The following LRIG1 variants were observed in gnomAD, a reference collection of about 807,000 sequenced individuals.
LRIG1 encodes the protein leucine-rich repeats and immunoglobulin-like domains protein 1.
LRIG1 carries 48 observed loss-of-function variants against 99.2 expected under a neutral mutation model. The observed-to-expected ratio is 0.48, with a 90% CI of 0.38 to 0.62. LRIG1 has a LOEUF of 0.62. Ranked by LOEUF, LRIG1 falls within the 20% of genes least tolerant of loss-of-function variation. The pLI is 0.00. For synonymous variants in LRIG1, 772 were observed against 596.1 expected (o/e 1.29, Z -4.30); for missense variants, 1,646 against 1,434.4 (o/e 1.15, Z -2.38).
chr3:66,437,188 C>G (rs971436421), intron 3 of LRIG1, among the ~76,000 whole-genome samples: 3 of 152,338 alleles, frequency 2.0e-5, no homozygotes, highest in African/African-American at 4.8e-5. Context: ...TCTCCACCTT[C>G]GCTTCACAGA....
chr3:66,419,167 G>C (rs1436571675), intron 3 of LRIG1, among the ~76,000 whole-genome samples: 1 of 152,188 alleles, frequency 6.6e-6, no homozygotes, highest in Admixed American at 6.5e-5. Flanking sequence ...GGCCCAGAAA[G>C]GCACAAAGAG....
intron 11 of LRIG1, among the ~76,000 whole-genome samples, chr3:66,395,148 C>T (rs909227787): frequency 3.9e-5 from 6 of 152,084 alleles, no homozygotes; most frequent in Non-Finnish European, 5.9e-5. Context: ...GGCTGGCCCA[C>T]GATAAGGGAA....
In LRIG1 at chr3:66,379,180, C is replaced by G. The variant is rs987392127; in HGVS notation, c.*1083G>C. 2 of 152,632 alleles carry G rather than the reference C, an allele frequency of 1.3e-5. No individual in the cohort carries two copies. Among genetic ancestry groups the G allele is most frequent in the African/African-American group, 2.4e-5 (1 of 41,450 alleles). 9.5% of individuals were successfully genotyped at this position (152,632 alleles called of 1,614,324 possible). On this transcript the variant is annotated 3_prime_UTR_variant, in exon 19 of 19. Transcript: ENST00000273261. Reference sequence around the variant, plus strand: ...TTGGCACTCATAAGATGGTTAGCTACCAGTCTCAAAAGTGCAAATTATACC... The same window carrying G: ...TTGGCACTCATAAGATGGTTAGCTAGCAGTCTCAAAAGTGCAAATTATACC...
intron 3 of LRIG1, among the ~76,000 whole-genome samples, chr3:66,445,387 A>T (rs565984081): frequency 6.6e-6 from 1 of 152,110 alleles, no homozygotes; most frequent in East Asian, 1.9e-4. Context: ...TAGCATGGGG[A>T]CCTATATACT....
intron 1 of LRIG1, among the ~76,000 whole-genome samples, chr3:66,473,147 TGAA>T (rs1700642617): frequency 6.6e-6 from 1 of 152,212 alleles, no homozygotes; most frequent in Middle Eastern, 3.2e-3. Flanking sequence ...ATGTCCTATT[TGAA>T]GAAGAAAATG....
intron 13 of LRIG1, 29 bp from the exon 14 acceptor site, chr3:66,384,301 T>C: frequency 6.3e-7 from 1 of 1,592,188 alleles, no homozygotes; most frequent in Non-Finnish European, 8.6e-7. Context: ...CAGGGTCGGG[T>C]TACGGGACAG....
intron 9 of LRIG1, among the ~76,000 whole-genome samples, chr3:66,403,620 A>T (rs749110455): frequency 2.0e-5 from 3 of 152,190 alleles, no homozygotes; most frequent in Non-Finnish European, 2.9e-5. Context: ...CAGGGCACAG[A>T]GGGCGGGCAC....
In LRIG1 at chr3:66,384,159, C is replaced by G; in HGVS notation, c.1903G>C (p.Asp635His). Reference protein sequence around the residue: ...HPNPQIAWQKDGGTDFPAARE... With the variant: ...HPNPQIAWQKHGGTDFPAARE... ...GCAGCGGGGAAATCCGTGCCTCCAT[C>G]CTTCTGCCAGGCAATCTGAGGGTTT... The change falls in exon 14 of 19, where the codon GAT becomes CAT. Residue 635 changes from aspartate to histidine, a missense_variant. Physicochemically the swap from Asp to His is moderately conservative, Grantham distance 81 (BLOSUM62 -1). Transcript: ENST00000273261. 6.2e-7 allele frequency: 1 copy of G among 1,614,234 alleles called. No individual in the cohort carries two copies. Among genetic ancestry groups the G allele is most frequent in the Non-Finnish European group, 8.5e-7 (1 of 1,180,034 alleles).
chr3:66,452,601 G>A (rs1703942849), intron 2 of LRIG1, among the ~76,000 whole-genome samples: 2 of 152,156 alleles, frequency 1.3e-5, no homozygotes, highest in African/African-American at 4.8e-5. Flanking sequence ...GTTTTTTAAG[G>A]GAGGTACGTC....
chr3:66,454,741 T>C (rs963281699), intron 2 of LRIG1, among the ~76,000 whole-genome samples: 1 of 152,216 alleles, frequency 6.6e-6, no homozygotes, highest in East Asian at 1.9e-4. Flanking sequence ...GGGTGGGTCC[T>C]TTCCCAATTC....
chr3:66,419,730 T>G (rs1053338526), intron 3 of LRIG1, among the ~76,000 whole-genome samples: 1 of 151,952 alleles, frequency 6.6e-6, no homozygotes, highest in Non-Finnish European at 1.5e-5. Flanking sequence ...ACCCTCTGAT[T>G]AGGTCCTACC....
In LRIG1 at chr3:66,410,187, T is replaced by C; in HGVS notation, c.877A>G (p.Asn293Asp). The C allele has an allele frequency of 6.2e-7, 1 of 1,614,166 alleles. No homozygotes were observed. The change falls in exon 7 of 19, where the codon AAT becomes GAT. Residue 293 changes from asparagine to aspartate, a missense_variant. Coordinates refer to ENST00000273261, the MANE Select transcript of LRIG1 (RefSeq NM_015541.3). ...TALHQLHLSNNSIARIHRKGW... is the reference protein window; with the variant it reads ...TALHQLHLSNDSIARIHRKGW... ...TTGCGGTGAATGCGAGCGATGGAAT[T>C]GTTGCTGAGGTGGAGCTGATGCAGG...
intron 2 of LRIG1, among the ~76,000 whole-genome samples, chr3:66,453,959 A>G (rs920206260): frequency 1.3e-5 from 2 of 152,178 alleles, no homozygotes; most frequent in African/African-American, 2.4e-5. Flanking sequence ...GCATCATGAT[A>G]TTTCAAATTG....
chr3:66,497,261 T>C (rs749185746), intron 1 of LRIG1, among the ~76,000 whole-genome samples: 2 of 152,246 alleles, frequency 1.3e-5, no homozygotes, highest in Non-Finnish European at 2.9e-5. Flanking sequence ...AGCAACATTT[T>C]GTGACTAAAC....
intron 16 of LRIG1, among the ~76,000 whole-genome samples, chr3:66,381,897 A>C (rs1250939030): frequency 4.6e-5 from 7 of 152,094 alleles, no homozygotes; most frequent in Non-Finnish European, 8.8e-5. Context: ...GAAGTACCTC[A>C]TCCTGGTGAC....
At chr3:66,495,176 T>C (rs1333603546) in intron 1 of LRIG1, among the ~76,000 whole-genome samples, 4 of 152,200 alleles carry the variant, frequency 2.6e-5, no homozygotes. Context: ...AGTGTCATGC[T>C]TAAGTCATAA....
chr3:66,416,303 G>A (rs757161752), intron 4 of LRIG1, among the ~76,000 whole-genome samples: 15 of 152,190 alleles, frequency 9.9e-5, no homozygotes, highest in Non-Finnish European at 1.6e-4. Flanking sequence ...TCTTCTTGCA[G>A]TATTTACTTG....
chr3:66,482,720 T>C (rs551275086), intron 1 of LRIG1, among the ~76,000 whole-genome samples: 1 of 152,340 alleles, frequency 6.6e-6, no homozygotes, highest in East Asian at 1.9e-4. Context: ...GGAAAAAGCC[T>C]AAATGCCCAA....
At position 66,500,191 on chromosome 3, in the gene LRIG1, G is replaced by A. The variant is rs987340292; in HGVS notation, c.217C>T (p.Leu73=). 2.0e-6 allele frequency: 3 copies of A among 1,515,718 alleles called. No individual in the cohort carries two copies. Among genetic ancestry groups the A allele is most frequent in the Admixed American group, 2.0e-5 (1 of 49,566 alleles). 93.9% of individuals were successfully genotyped at this position (1,515,718 alleles called of 1,614,324 possible). A position where few individuals can be genotyped will look rare whatever the true frequency, so the allele number is the denominator to read the frequency against. ...GAGGGCGGAAAGGGCGGCACTCACA[G>A]GCTCCGCGTCCAGGAGGGCAGGTCC... is the stretch of plus-strand genomic sequence containing the variant. ...PGDLPSWTRS[L]NLSYNKLSEI... The change falls in exon 1 of 19, where the codon CTA becomes TTA. Residue 73 remains leucine (L), a splice_region_variant and synonymous_variant. Transcript: ENST00000273261.
Sources: allele counts gnomAD v4.1 joint callset (sites outside exome capture counted in the v4.1 genomes callset), GRCh38; gene constraint gnomAD v4.1.1; transcripts MANE v1.5; gene names NCBI Gene and HGNC (gene_info 2026-07-23, HGNC 2026-07-21).